Variants in CFAP97 observed in about 807,000 individuals in gnomAD.
The protein encoded by CFAP97 is cilia and flagella associated protein 97.
In CFAP97, 36 loss-of-function variants were observed where a neutral mutation model predicts 43.1. The observed-to-expected ratio is 0.84, with a 90% CI of 0.64 to 1.10. CFAP97 has a LOEUF of 1.10. CFAP97 is among the 50% of genes least tolerant of loss of function. The pLI is 0.00. For synonymous variants in CFAP97, 228 were observed against 225.7 expected (o/e 1.01, Z -0.09); for missense variants, 657 against 620.3 (o/e 1.06, Z -0.63).
chr4:185,193,586 C>T (rs1736402682), intron 1 of CFAP97, among the ~76,000 whole-genome samples: 1 of 152,212 alleles, frequency 6.6e-6, no homozygotes, highest in African/African-American at 2.4e-5. Context: ...GTGGAGGCTG[C>T]AGTGCGCCGC....
upstream of CFAP97, chr4:185,209,634 C>A (rs1489689829): frequency 7.8e-6 from 5 of 645,070 alleles, no homozygotes; most frequent in Non-Finnish European, 9.6e-6. This position sits in a 1 kb window ranked among gnomAD's most constrained non-coding sequence, Gnocchi z 5.2. Context: ...CTGCGCCCGG[C>A]CCGGCAGCTA....
intron 1 of CFAP97, among the ~76,000 whole-genome samples, chr4:185,202,056 T>C (rs76976315): frequency 0.03 from 4,553 of 152,260 alleles, 104 homozygotes; most frequent in Middle Eastern, 0.071. Context: ...TCCCCTACAC[T>C]TGTCTCCTTG....
intron 3 of CFAP97, chr4:185,169,178 T>C (rs1332275609): frequency 6.6e-6 from 1 of 152,208 alleles, no homozygotes; most frequent in African/African-American, 2.4e-5. Flanking sequence ...TTGACTATAG[T>C]TAACAATACT....
At chr4:185,183,001 G>A (rs2111365244) in intron 2 of CFAP97, among the ~76,000 whole-genome samples, 1 of 152,134 alleles carries the variant, frequency 6.6e-6, no homozygotes, top group East Asian at 1.9e-4. Context: ...TCGGGAGGCT[G>A]AGGCAGGAGA....
At chr4:185,197,655 T>C (rs906624852) in intron 1 of CFAP97, among the ~76,000 whole-genome samples, 1 of 152,192 alleles carries the variant, frequency 6.6e-6, no homozygotes, top group African/African-American at 2.4e-5. Context: ...CTTGATCTCC[T>C]GACCTCGGGA....
Position 185,191,225 on chromosome 4 carries a change from TG to T in CFAP97, c.-16-14del. ...GGCAAAAATATATCTGAAAAAAAAA[TG>T]TAAACATCAGACTAAAGAGTGATTT... On this transcript the variant is annotated splice_polypyrimidine_tract_variant and intron_variant, in intron 1 of 4. Transcript: ENST00000458385. The T allele has an allele frequency of 7.8e-7, 1 of 1,284,854 alleles. No individual in the cohort carries two copies. The highest frequency in any genetic ancestry group is 1.0e-6 in the Non-Finnish European group (1 of 956,218). The allele number at this position is 1,284,854 out of a possible 1,614,324, so 79.6% of individuals were successfully genotyped here.
intron 2 of CFAP97, among the ~76,000 whole-genome samples, chr4:185,180,450 A>G (rs1379262889): frequency 6.6e-6 from 1 of 152,136 alleles, no homozygotes; most frequent in Non-Finnish European, 1.5e-5. Context: ...TCGCCTCTGG[A>G]AGCTTTGTCT....
intron 2 of CFAP97, among the ~76,000 whole-genome samples, chr4:185,187,629 A>G (rs971711894): frequency 6.6e-6 from 1 of 151,978 alleles, no homozygotes; most frequent in African/African-American, 2.4e-5. Flanking sequence ...GAGTGTCCTT[A>G]CAACAGGAGC....
intron 1 of CFAP97, 114 bp from the exon 2 acceptor site, chr4:185,191,326 A>AAGGTG: frequency 1.4e-6 from 1 of 726,100 alleles, no homozygotes. Context: ...ATATAAAAAG[A>AAGGTG]AACATTATAA....
rs1024948212 is a variant in CFAP97 at position 185,203,890 on chromosome 4, C to T, written c.-17+8G>A. The stretch of plus-strand genomic sequence containing the variant: ...CAGGGAGCCAGGAGCCGCTCGCGCG[C>T]CCCTCACCTGAGAGCCGCGGCCACC... On this transcript the variant is annotated splice_region_variant and intron_variant, in intron 1 of 4. Coordinates refer to ENST00000458385, the MANE Select transcript of CFAP97 (RefSeq NM_020827.3). 1 of 151,770 alleles carries T rather than the reference C, an allele frequency of 6.6e-6. No individual in the cohort carries two copies. Among genetic ancestry groups the T allele is most frequent in the Admixed American group, 6.6e-5 (1 of 15,240 alleles). 9.4% of individuals were successfully genotyped at this position (151,770 alleles called of 1,614,324 possible). A position where few individuals can be genotyped will look rare whatever the true frequency, so the allele number is the denominator to read the frequency against.
intron 2 of CFAP97, among the ~76,000 whole-genome samples, chr4:185,179,479 C>T (rs1579243510): frequency 6.6e-6 from 1 of 152,048 alleles, no homozygotes; most frequent in South Asian, 2.1e-4. Flanking sequence ...TCATAAAAGG[C>T]AATGAGGTTT....
At chr4:185,170,125 A>T in intron 3 of CFAP97, 1 of 999,612 alleles carries the variant, frequency 1.0e-6, no homozygotes, top group South Asian at 3.4e-5. Flanking sequence ...AGGCAGATGG[A>T]TCACTTGAGG....
chr4:185,193,887 G>GATAAACAAATAA (rs1736419010), intron 1 of CFAP97, among the ~76,000 whole-genome samples: 2 of 147,674 alleles, frequency 1.4e-5, no homozygotes, highest in East Asian at 2.0e-4. Flanking sequence ...GACTCCATCT[G>GATAAACAAATAA]ATAAATAAAT....
Position 185,162,652 on chromosome 4 carries a change from CA to C in CFAP97, c.*145del. 1.2e-6 allele frequency: 1 copy of C among 805,610 alleles called. No individual in the cohort carries two copies. Among genetic ancestry groups the C allele is most frequent in the Non-Finnish European group, 1.9e-6 (1 of 524,120 alleles). 49.9% of individuals were successfully genotyped at this position (805,610 alleles called of 1,614,324 possible). A position where few individuals can be genotyped will look rare whatever the true frequency, so the allele number is the denominator to read the frequency against. ...AAATCGTTTTTTGACAATAATTTTGCACTGAATAACAATACATTACAACTCA... is the reference window on the plus strand; with the variant it reads ...AAATCGTTTTTTGACAATAATTTTGCCTGAATAACAATACATTACAACTCA... On this transcript the variant is annotated 3_prime_UTR_variant, in exon 5 of 5. Coordinates refer to ENST00000458385, the MANE Select transcript of CFAP97 (RefSeq NM_020827.3).
At chr4:185,167,873 T>A (rs1485394803) in intron 3 of CFAP97, among the ~76,000 whole-genome samples, 3 of 151,426 alleles carry the variant, frequency 2.0e-5, no homozygotes, top group Non-Finnish European at 4.4e-5. Flanking sequence ...GTGGCAGACG[T>A]CTGCAGTTCC....
At chr4:185,188,823 T>C (rs1379051287) in intron 2 of CFAP97, among the ~76,000 whole-genome samples, 1 of 152,260 alleles carries the variant, frequency 6.6e-6, no homozygotes, top group East Asian at 1.9e-4. Flanking sequence ...TTAGGAAAGA[T>C]TTATGGGGTG....
chr4:185,174,624 G>A (rs1407472231), intron 3 of CFAP97, among the ~76,000 whole-genome samples: 2 of 152,124 alleles, frequency 1.3e-5, no homozygotes, highest in Non-Finnish European at 2.9e-5. Context: ...TTAGCTCTGA[G>A]TTTACGTGTT....
chr4:185,186,162 G>A (rs2111374774), intron 2 of CFAP97, among the ~76,000 whole-genome samples: 2 of 152,296 alleles, frequency 1.3e-5, no homozygotes, highest in South Asian at 4.1e-4. Context: ...GCCAGGCGAG[G>A]TGGTACACAC....
rs142760000 is a variant in CFAP97 at position 185,192,958 on chromosome 4, C to T, written c.-16-1746G>A. Among the ~76,000 whole-genome samples the T allele has an allele frequency of 2.0e-4, 31 of 152,018 alleles. No individual in the cohort carries two copies. The Middle Eastern group carries it at 0.01, about 50-fold the overall frequency. The stretch of plus-strand genomic sequence containing the variant: ...GGTTTCACCGTGTTATCCAGGATGG[C>T]CTGGATCTCCTGACCTTGTGATCCG... On this transcript the variant is annotated intron_variant, in intron 1 of 4. Transcript: ENST00000458385.
Sources: allele counts gnomAD v4.1 joint callset (sites outside exome capture counted in the v4.1 genomes callset), GRCh38; gene constraint gnomAD v4.1.1; non-coding constraint Gnocchi (gnomAD v3.1); transcripts MANE v1.5; gene names NCBI Gene and HGNC (gene_info 2026-07-23, HGNC 2026-07-21).